The following SLC45A2 variants were observed in gnomAD, a reference collection of about 807,000 sequenced individuals.
SLC45A2 encodes solute carrier family 45 member 2, also known as membrane-associated transporter protein.
SLC45A2 carries 36 observed loss-of-function variants against 45.5 expected under a neutral mutation model. The observed-to-expected ratio is 0.79, with a 90% CI of 0.61 to 1.04. SLC45A2 has a LOEUF of 1.04. SLC45A2 is among the 50% of genes least tolerant of loss of function. The pLI is 0.00. For synonymous variants in SLC45A2, 306 were observed against 269.3 expected (o/e 1.14, Z -1.33); for missense variants, 719 against 671.0 (o/e 1.07, Z -0.79).
In SLC45A2 at chr5:33,984,494, T is replaced by C; in HGVS notation, c.90A>G (p.Arg30=). The change falls in exon 1 of 7, where the codon AGA becomes AGG. Residue 30 remains arginine, a synonymous_variant. Coordinates refer to ENST00000296589, the MANE Select transcript of SLC45A2 (RefSeq NM_016180.5). ...GPFDSVEPPK[R]PTSRLIMHSM... The stretch of plus-strand genomic sequence containing the variant: ...TGTGCATGATGAGTCTGCTGGTGGG[T>C]CTTTTAGGCGGCTCCACAGAGTCAA... 1.2e-6 allele frequency: 2 copies of C among 1,613,344 alleles called. No individual in the cohort carries two copies. Among genetic ancestry groups the C allele is most frequent in the African/African-American group, 2.7e-5 (2 of 75,016 alleles).
rs1752204821 is a variant in SLC45A2 at position 33,954,292 on chromosome 5, G to A, written c.1032+69C>T. 5 of 1,602,034 alleles carry A rather than the reference G, an allele frequency of 3.1e-6. No individual in the cohort carries two copies. In the East Asian group the frequency reaches 8.9e-5, roughly 29 times the overall value. ...GCCAATCTTAGAGGATAGCCCAGAA[G>A]AACCTCAACAGGTGTTAATGGAGGA... On this transcript the variant is annotated intron_variant, in intron 4 of 6. Coordinates refer to ENST00000296589, the MANE Select transcript of SLC45A2 (RefSeq NM_016180.5).
chr5:33,953,690 A>T (rs1365663627), intron 4 of SLC45A2, among the ~76,000 whole-genome samples: 1 of 127,360 alleles, frequency 7.9e-6, no homozygotes, highest in Non-Finnish European at 1.6e-5. Context: ...TAATGACAGG[A>T]TCAAATTCAC....
At chr5:33,982,727 G>A (rs1464071868) in intron 1 of SLC45A2, among the ~76,000 whole-genome samples, 2 of 151,914 alleles carry the variant, frequency 1.3e-5, no homozygotes, top group African/African-American at 4.8e-5. Context: ...ATTAGAGAGT[G>A]GTAATGGTTG....
rs567974273 is a variant in SLC45A2 at position 33,952,747 on chromosome 5, G to C, written c.1033-1070C>G. On this transcript the variant is annotated intron_variant, in intron 4 of 6. Transcript: ENST00000296589. ...TAGGGTACATGTGCACATTGTGCAG[G>C]TTAGTTACATATGTATACATGTGCC... 1.2e-4 allele frequency among the ~76,000 whole-genome samples: 17 copies of C among 136,606 alleles called. No individual in the cohort carries two copies. The South Asian group carries it at 4.1e-3, about 33-fold the overall frequency. The allele number at this position is 136,606 out of a possible 152,430, so 89.6% of individuals were successfully genotyped here.
At chr5:33,978,389 T>A (rs1216591819) in intron 2 of SLC45A2, among the ~76,000 whole-genome samples, 1 of 151,996 alleles carries the variant, frequency 6.6e-6, no homozygotes, top group Non-Finnish European at 1.5e-5. Context: ...TTGTGGGGGA[T>A]TTTTTTTCCT....
chr5:33,945,973 C>A (rs754422726), intron 6 of SLC45A2: 2 of 985,372 alleles, frequency 2.0e-6, no homozygotes, highest in Non-Finnish European at 2.4e-6. Flanking sequence ...GTAAAGGGAG[C>A]ACACAGTGTG....
chr5:33,965,212 G>A (rs1217268202), intron 2 of SLC45A2, among the ~76,000 whole-genome samples: 1 of 152,128 alleles, frequency 6.6e-6, no homozygotes, highest in Non-Finnish European at 1.5e-5. Context: ...ATCTTCACAA[G>A]CTAGAGAATC....
chr5:33,945,224 A>C (rs1751885006), intron 6 of SLC45A2, among the ~76,000 whole-genome samples: 1 of 152,220 alleles, frequency 6.6e-6, no homozygotes, highest in Middle Eastern at 3.2e-3. Flanking sequence ...GTTTTTTTCA[A>C]TCATTTAAAC....
At chr5:33,961,663 C>G (rs1210895587) in intron 3 of SLC45A2, among the ~76,000 whole-genome samples, 1 of 152,158 alleles carries the variant, frequency 6.6e-6, no homozygotes, top group East Asian at 1.9e-4. Context: ...CCATTTGTGG[C>G]CACCTTGGAA....
At chr5:33,957,524 A>G (rs965109247) in intron 3 of SLC45A2, among the ~76,000 whole-genome samples, 1 of 152,224 alleles carries the variant, frequency 6.6e-6, no homozygotes, top group African/African-American at 2.4e-5. Flanking sequence ...GTTAAACACT[A>G]TAGACATCTC....
At position 33,951,609 on chromosome 5, in the gene SLC45A2, G is replaced by T; in HGVS notation, c.1101C>A (p.Val367=). 6.2e-7 allele frequency: 1 copy of T among 1,614,136 alleles called. No individual in the cohort carries two copies. The highest frequency in any genetic ancestry group is 1.3e-5 in the African/African-American group (1 of 75,038). The change falls in exon 5 of 7, where the codon GTC becomes GTA. Residue 367 remains valine, a synonymous_variant. Transcript: ENST00000296589. The part of the protein sequence containing the change: ...STEFLIYERG[V]EVGCWGLCIN... ...TGCACAAGCCCCAACATCCAACCTCGACTCCTCTTTCGTAGATGAGAAACT... is the reference window on the plus strand; with the variant it reads ...TGCACAAGCCCCAACATCCAACCTCTACTCCTCTTTCGTAGATGAGAAACT...
At chr5:33,944,947 CT>C in intron 6 of SLC45A2, 75 bp from the exon 7 acceptor site, 5 of 1,388,486 alleles carry the variant, frequency 3.6e-6, no homozygotes, top group African/African-American at 1.4e-5. Context: ...CAAAATTTTT[CT>C]GTGACCAGCC....
chr5:33,974,921 C>T (rs1752881482), intron 2 of SLC45A2, among the ~76,000 whole-genome samples: 1 of 151,274 alleles, frequency 6.6e-6, no homozygotes, highest in Admixed American at 6.6e-5. Context: ...TTTGTACACA[C>T]AAAACAAAGC....
Position 33,984,295 on chromosome 5 carries a change from A to T in SLC45A2, c.289T>A (p.Ser97Thr). 1.2e-6 allele frequency: 2 copies of T among 1,614,150 alleles called. No individual in the cohort carries two copies. Among genetic ancestry groups the T allele is most frequent in the Non-Finnish European group, 8.5e-7 (1 of 1,180,026 alleles). Reference protein sequence around the residue: ...VVGSASDHCRSRWGRRRPYIL... With the variant: ...VVGSASDHCRTRWGRRRPYIL... ...TAGGGTCTCCGGCGGCCCCACCTGG[A>T]CCGGCAGTGGTCGCTGGCCGATCCG... Residue 97 changes from serine to threonine, a missense_variant, in exon 1 of 7, where the codon TCC becomes ACC. By Grantham distance (58) the Ser-to-Thr change is moderately conservative. Transcript: ENST00000296589.
At chr5:33,981,700 C>A (rs1255297700) in intron 2 of SLC45A2, among the ~76,000 whole-genome samples, 12 of 152,220 alleles carry the variant, frequency 7.9e-5, no homozygotes, top group Non-Finnish European at 1.5e-5. Flanking sequence ...AAATGCCAAC[C>A]TTTTACATAA....
At position 33,947,720 on chromosome 5, in the gene SLC45A2, G is replaced by C. The variant is rs572818679; in HGVS notation, c.1157-346C>G. On this transcript the variant is annotated intron_variant, in intron 5 of 6. Transcript: ENST00000296589. ...ACCTGGGGCTTCAAGAAAAGTGTGG[G>C]TTATTCTAAATCAGATGGGCTGTGG... Among the ~76,000 whole-genome samples, 10 of 152,314 alleles carry C rather than the reference G, an allele frequency of 6.6e-5. No individual in the cohort carries two copies. In the South Asian group the frequency reaches 2.1e-3, roughly 32 times the overall value.
intron 3 of SLC45A2, among the ~76,000 whole-genome samples, chr5:33,955,052 A>G (rs571047568): frequency 2.1e-4 from 32 of 152,302 alleles, no homozygotes; most frequent in African/African-American, 7.7e-4. Flanking sequence ...TACCTGGTTG[A>G]TCCTAACCAA....
rs1753104645 is a variant in SLC45A2, at chr5:33,982,368, C to CACTT, written c.426_429dup (p.Val144LysfsTer11). ...AAGAGAACGACACCTATCATGGTGA[C>CACTT]ACTTATGGCCCAAACCAGCTTCCTC... On this transcript the variant is annotated frameshift_variant, in exon 2 of 7. Coordinates refer to ENST00000296589, the MANE Select transcript of SLC45A2 (RefSeq NM_016180.5). LOFTEE classifies it high-confidence loss of function. 2 of 1,614,156 alleles carry CACTT rather than the reference C, an allele frequency of 1.2e-6. No individual in the cohort carries two copies. Among genetic ancestry groups the CACTT allele is most frequent in the East Asian group, 4.5e-5 (2 of 44,880 alleles).
chr5:33,963,518 T>C (rs1410279622), intron 3 of SLC45A2, 173 bp downstream of exon 3: 4 of 700,616 alleles, frequency 5.7e-6, no homozygotes, highest in Non-Finnish European at 9.6e-6. Context: ...CATTTTTCTT[T>C]GAGATATAAA....
Sources: allele counts gnomAD v4.1 joint callset (sites outside exome capture counted in the v4.1 genomes callset), GRCh38; gene constraint gnomAD v4.1.1; transcripts MANE v1.5; gene names NCBI Gene and HGNC (gene_info 2026-07-23, HGNC 2026-07-21).